Variants in WASHC4 observed in about 807,000 individuals in gnomAD.
The protein encoded by WASHC4 is WASH complex subunit 4.
WASHC4 carries 86 observed loss-of-function variants against 166.6 expected under a neutral mutation model. The ratio of observed to expected loss-of-function variants is 0.52; its 90% CI spans 0.43 to 0.62. The LOEUF is 0.62. Ranked by LOEUF, WASHC4 falls within the 20% of genes least tolerant of loss-of-function variation. WASHC4 has a pLI of 0.00. For missense variants in WASHC4, 1,262 were observed against 1,382.4 expected (o/e 0.91, Z 1.38); for synonymous variants, 446 against 451.6 (o/e 0.99, Z 0.16).
chr12:105,117,173 T>A (rs1172054498), intron 6 of WASHC4, among the ~76,000 whole-genome samples: 1 of 152,226 alleles, frequency 6.6e-6, no homozygotes, highest in African/African-American at 2.4e-5. Flanking sequence ...GTATTTTACA[T>A]GCATAGCAAT....
At chr12:105,122,004 G>A in intron 9 of WASHC4, 114 bp from the exon 10 acceptor site, 2 of 722,412 alleles carry the variant, frequency 2.8e-6, no homozygotes, top group South Asian at 1.8e-5. Flanking sequence ...TTTCAAATGT[G>A]TAGAGCCAAA....
chr12:105,149,859 C>A, intron 25 of WASHC4, 110 bp downstream of exon 25: 1 of 1,114,030 alleles, frequency 9.0e-7, no homozygotes, highest in Non-Finnish European at 1.2e-6. Context: ...GTTTTATTTT[C>A]CCTATAATTT....
intron 5 of WASHC4, 30 bp downstream of exon 5, chr12:105,115,259 T>C: frequency 3.0e-6 from 4 of 1,337,270 alleles, no homozygotes; most frequent in Non-Finnish European, 4.3e-6. Context: ...TTGTGATGCC[T>C]TTTTGATATT....
intron 10 of WASHC4, among the ~76,000 whole-genome samples, chr12:105,123,574 G>C (rs1880989743): frequency 6.6e-6 from 1 of 152,232 alleles, no homozygotes; most frequent in Admixed American, 6.5e-5. Flanking sequence ...TTCTCTGAAG[G>C]CTAAGAGAGG....
chr12:105,163,837 C>T (rs1884648028), intron 30 of WASHC4, among the ~76,000 whole-genome samples: 1 of 152,078 alleles, frequency 6.6e-6, no homozygotes, highest in African/African-American at 2.4e-5. Flanking sequence ...TATATCGTTT[C>T]TCCTGGTGAT....
In WASHC4 at chr12:105,167,952, C is replaced by CAAT. The variant is rs1392048936; in HGVS notation, c.*1021_*1022insAAT. 6.6e-6 allele frequency: 1 copy of CAAT among 152,384 alleles called. No homozygotes were observed. The highest frequency in any genetic ancestry group is 1.5e-5 in the Non-Finnish European group (1 of 67,960). 9.4% of individuals were successfully genotyped at this position (152,384 alleles called of 1,614,324 possible). On this transcript the variant is annotated 3_prime_UTR_variant, in exon 33 of 33. Coordinates refer to ENST00000332180, the MANE Select transcript of WASHC4 (RefSeq NM_015275.3). ...TTGAGTAAATTTTGTGCCCAGCAAG[C>CAAT]TGTTAGTTTTATTTTTGTAAAGGTA...
chr12:105,112,865 A>C (rs192082419), intron 2 of WASHC4, among the ~76,000 whole-genome samples: 302 of 152,292 alleles, frequency 2.0e-3, no homozygotes, highest in Non-Finnish European at 1.8e-3. Context: ...GGCATAGAAA[A>C]GTTAAGTAAC....
intron 28 of WASHC4, 114 bp from the exon 29 acceptor site, chr12:105,159,887 G>T (rs1037085318): frequency 7.5e-6 from 7 of 933,760 alleles, no homozygotes; most frequent in African/African-American, 6.6e-5. Context: ...TCTTAGAAGT[G>T]TCTTACAGTG....
At chr12:105,143,615 A>T (rs1883045836) in intron 20 of WASHC4, among the ~76,000 whole-genome samples, 1 of 152,038 alleles carries the variant, frequency 6.6e-6, no homozygotes, top group Admixed American at 6.5e-5. Context: ...TGAGAGAAGG[A>T]AATTATATAT....
rs767603178 is a variant in WASHC4, at chr12:105,140,877, G to T, written c.1561-22G>T. 4 of 1,610,704 alleles carry T rather than the reference G, an allele frequency of 2.5e-6. No homozygotes were observed. The Admixed American group carries it at 5.0e-5, about 20-fold the overall frequency. On this transcript the variant is annotated intron_variant, in intron 16 of 32. Transcript: ENST00000332180. Reference sequence around the variant, plus strand: ...TTTGTTACTGCCTCAGAAACAAATAGTTTTCCTGTTTTATTTTTAAGAAAA... The same window carrying T: ...TTTGTTACTGCCTCAGAAACAAATATTTTTCCTGTTTTATTTTTAAGAAAA...
intron 19 of WASHC4, 118 bp from the exon 20 acceptor site, chr12:105,143,009 A>G (rs1416516474): frequency 1.4e-6 from 1 of 711,706 alleles, no homozygotes; most frequent in Non-Finnish European, 2.5e-6. Flanking sequence ...ACAGTTGTGG[A>G]AAATCATTTT....
At chr12:105,133,004 C>T (rs1881999097) in intron 13 of WASHC4, among the ~76,000 whole-genome samples, 1 of 152,092 alleles carries the variant, frequency 6.6e-6, no homozygotes, top group Non-Finnish European at 1.5e-5. Context: ...ATTGCCTCCT[C>T]TGTAGTTTAT....
rs769081768 is a variant in WASHC4, at chr12:105,144,690, C to T, written c.2180-28C>T. On this transcript the variant is annotated intron_variant, in intron 21 of 32. Coordinates refer to ENST00000332180, the MANE Select transcript of WASHC4 (RefSeq NM_015275.3). ...CATTTCTTTTCCTTTTCTACTGTTT[C>T]ACAAGTTGAATTTTTTTTTTTTGGT... 30 of 1,593,632 alleles carry T rather than the reference C, an allele frequency of 1.9e-5. No homozygotes were observed. The East Asian group carries it at 6.5e-4, about 34-fold the overall frequency.
intron 26 of WASHC4, among the ~76,000 whole-genome samples, chr12:105,152,928 G>C (rs1034296514): frequency 3.3e-5 from 5 of 152,114 alleles, no homozygotes; most frequent in African/African-American, 1.2e-4. Flanking sequence ...CTTCTGATAT[G>C]TAGTACTTTT....
At chr12:105,126,546 A>G (rs1592862064) in intron 12 of WASHC4, among the ~76,000 whole-genome samples, 184 bp downstream of exon 12, 1 of 152,048 alleles carries the variant, frequency 6.6e-6, no homozygotes, top group Non-Finnish European at 1.5e-5. Context: ...TCTACATCAT[A>G]TTACTACATA....
At chr12:105,145,011 T>G (rs1203822404) in intron 22 of WASHC4, 139 bp downstream of exon 22, 2 of 848,082 alleles carry the variant, frequency 2.4e-6, no homozygotes, top group Non-Finnish European at 3.6e-6. Flanking sequence ...AATCTTATAC[T>G]TGACAACAGT....
At chr12:105,127,841 C>G (rs575660714) in intron 13 of WASHC4, among the ~76,000 whole-genome samples, 11 of 152,064 alleles carry the variant, frequency 7.2e-5, no homozygotes, top group African/African-American at 2.4e-4. Context: ...TTTTTACATC[C>G]TTATTTTTTG....
rs74236903 is a variant in WASHC4, at chr12:105,151,190, C to T, written c.2650-1153C>T. On this transcript the variant is annotated intron_variant, in intron 25 of 32. Coordinates refer to ENST00000332180, the MANE Select transcript of WASHC4 (RefSeq NM_015275.3). ...AAAAAAGAACGCCGTTTTCCTTTCA[C>T]CTTCCAGGCTGAGTTTTCCCATAGT... Among the ~76,000 whole-genome samples the T allele has an allele frequency of 2.7e-3, 400 of 150,110 alleles. 15 individuals are homozygous for T. The East Asian group carries it at 0.067, about 25-fold the overall frequency.
intron 10 of WASHC4, among the ~76,000 whole-genome samples, chr12:105,123,563 A>G (rs1250073479): frequency 1.3e-5 from 2 of 152,234 alleles, no homozygotes; most frequent in Non-Finnish European, 2.9e-5. Flanking sequence ...ACTCTCTTTA[A>G]TTCTCTGAAG....
Sources: allele counts gnomAD v4.1 joint callset (sites outside exome capture counted in the v4.1 genomes callset), GRCh38; gene constraint gnomAD v4.1.1; transcripts MANE v1.5; gene names NCBI Gene and HGNC (gene_info 2026-07-23, HGNC 2026-07-21).